Variants in NFIA observed in about 807,000 individuals in gnomAD.
NFIA encodes the protein nuclear factor I A, also known as nuclear factor 1 A-type.
NFIA carries 8 observed loss-of-function variants against 62.8 expected under a neutral mutation model. The observed-to-expected ratio is 0.13, with a 90% CI of 0.07 to 0.23. NFIA has a LOEUF of 0.23. Among genes scored for constraint, NFIA ranks in the 10% least tolerant of loss-of-function variants. NFIA has a pLI of 1.00. For missense variants in NFIA, 410 were observed against 642.1 expected, an observed-to-expected ratio of 0.64 and a Z score of 3.91; for synonymous variants, 235 against 238.1, an observed-to-expected ratio of 0.99 and a Z score of 0.12.
chr1:61,290,766 G>A (rs559875208), intron 3 of NFIA, among the ~76,000 whole-genome samples: 142 of 152,262 alleles, frequency 9.3e-4, no homozygotes, highest in African/African-American at 3.1e-3. Context: ...ACCTTAGCAC[G>A]TGCTCCACCA....
chr1:61,333,092 T>A (rs527519825), intron 4 of NFIA, among the ~76,000 whole-genome samples: 2 of 141,816 alleles, frequency 1.4e-5, no homozygotes, highest in Admixed American at 6.9e-5. Context: ...CACACACACA[T>A]ACACAGTTGC....
chr1:61,089,695 C>CTTTTTTTTTTTT (rs918196815), intron 2 of NFIA, among the ~76,000 whole-genome samples: 25 of 107,774 alleles, frequency 2.3e-4, no homozygotes, highest in African/African-American at 6.0e-4. Flanking sequence ...GTTTTTTTTT[C>CTTTTTTTTTTTT]TTTTTTTTTT....
intron 2 of NFIA, among the ~76,000 whole-genome samples, chr1:61,090,479 TTATTTAAAGAAATG>T (rs1646300991): frequency 6.6e-6 from 1 of 152,216 alleles, no homozygotes; most frequent in South Asian, 2.1e-4. Context: ...CATTTCTCTG[TTATTTAAAGAAATG>T]CAATCTTTTC....
chr1:61,242,771 T>C (rs142604934), intron 2 of NFIA, among the ~76,000 whole-genome samples: 410 of 152,304 alleles, frequency 2.7e-3, no homozygotes, highest in African/African-American at 9.4e-3. Context: ...TTTTATTTAA[T>C]GCTTAAGTAG....
intron 7 of NFIA, among the ~76,000 whole-genome samples, chr1:61,401,446 G>A (rs544517870): frequency 6.6e-6 from 1 of 152,288 alleles, no homozygotes; most frequent in East Asian, 1.9e-4. Flanking sequence ...CAAAATGAGG[G>A]AAAGGATGTT....
intron 3 of NFIA, among the ~76,000 whole-genome samples, chr1:61,326,460 A>G (rs775498809): frequency 4.3e-4 from 66 of 152,192 alleles, no homozygotes; most frequent in Non-Finnish European, 8.8e-4. Flanking sequence ...AGTTCTGCCA[A>G]TGATTTTACC....
intron 1 of NFIA, among the ~76,000 whole-genome samples, chr1:61,084,271 G>C (rs576348304): frequency 1.4e-4 from 21 of 152,276 alleles, no homozygotes; most frequent in African/African-American, 5.1e-4. Flanking sequence ...TTTCCCACAT[G>C]ACATCCCTTC....
At chr1:61,454,326 A>C (rs935654558) in intron 10 of NFIA, among the ~76,000 whole-genome samples, 2 of 152,260 alleles carry the variant, frequency 1.3e-5, no homozygotes, top group East Asian at 3.8e-4. Context: ...ATGTTAGTCC[A>C]TAATTGCTCA....
intron 4 of NFIA, among the ~76,000 whole-genome samples, chr1:61,346,745 A>G (rs1662247465): frequency 6.6e-6 from 1 of 152,192 alleles, no homozygotes; most frequent in Admixed American, 6.5e-5. Flanking sequence ...TTGCTGTGTT[A>G]GTCCGTTCTC....
At chr1:61,242,314 A>G (rs1372557703) in intron 2 of NFIA, among the ~76,000 whole-genome samples, 1 of 152,034 alleles carries the variant, frequency 6.6e-6, no homozygotes, top group Non-Finnish European at 1.5e-5. Flanking sequence ...GGAGCATACT[A>G]CTTCTGCTGG....
intron 2 of NFIA, among the ~76,000 whole-genome samples, chr1:61,117,903 G>T (rs934003540): frequency 6.6e-6 from 1 of 152,144 alleles, no homozygotes; most frequent in African/African-American, 2.4e-5. Flanking sequence ...CGTCTGGCTG[G>T]CCGGGCGTGG....
At chr1:61,445,139 ATAAAT>A (rs1323104367) in intron 10 of NFIA, among the ~76,000 whole-genome samples, 3 of 152,224 alleles carry the variant, frequency 2.0e-5, no homozygotes, top group East Asian at 1.9e-4. Flanking sequence ...AAGGTAAAAA[ATAAAT>A]TAAATTGTCT....
intron 2 of NFIA, among the ~76,000 whole-genome samples, chr1:61,258,753 G>C (rs1478051381): frequency 6.6e-6 from 1 of 151,738 alleles, no homozygotes; most frequent in Non-Finnish European, 1.5e-5. Flanking sequence ...TTTTGAAACA[G>C]GGTCTCACTT....
In NFIA at chr1:61,221,347, T is replaced by A. The variant is rs1654006964; in HGVS notation, c.560-56173T>A. ...AGGGTTTTCATTTATTTCTGTTTCCTGCTTCCAGAAAGATAATTTGCAGCA... is the reference window on the plus strand; with the variant it reads ...AGGGTTTTCATTTATTTCTGTTTCCAGCTTCCAGAAAGATAATTTGCAGCA... On this transcript the variant is annotated intron_variant, in intron 2 of 10. Coordinates refer to ENST00000403491, the MANE Select transcript of NFIA (RefSeq NM_001134673.4). 3.3e-5 allele frequency among the ~76,000 whole-genome samples: 5 copies of A among 152,286 alleles called. No individual in the cohort carries two copies. The South Asian group carries it at 1.0e-3, about 32-fold the overall frequency.
At chr1:61,250,179 G>A (rs150591944) in intron 2 of NFIA, 68 of 152,254 alleles carry the variant, frequency 4.5e-4, no homozygotes, top group African/African-American at 1.5e-3. Context: ...AAGACAAAGC[G>A]TACATTGCTA....
chr1:61,199,201 T>G (rs1372492154), intron 2 of NFIA, among the ~76,000 whole-genome samples: 1 of 152,240 alleles, frequency 6.6e-6, no homozygotes, highest in Non-Finnish European at 1.5e-5. Flanking sequence ...TTAGCTCTTT[T>G]TATGTTTACA....
intron 2 of NFIA, among the ~76,000 whole-genome samples, chr1:61,185,049 G>A (rs368880971): frequency 2.0e-5 from 3 of 152,344 alleles, no homozygotes; most frequent in South Asian, 4.1e-4. Context: ...AGGTTTTAAT[G>A]TCTAAGGATA....
chr1:61,366,244 C>G (rs899328245), intron 6 of NFIA, among the ~76,000 whole-genome samples: 3 of 151,994 alleles, frequency 2.0e-5, no homozygotes, highest in African/African-American at 7.3e-5. Context: ...GATTTGAGAC[C>G]GCATCTGCAT....
intron 2 of NFIA, among the ~76,000 whole-genome samples, chr1:61,161,475 GGT>G (rs1370775584): frequency 6.6e-6 from 1 of 152,142 alleles, no homozygotes; most frequent in Non-Finnish European, 1.5e-5. Context: ...ACAAACAAGA[GGT>G]GTTAGCTGGC....
Sources: allele counts gnomAD v4.1 joint callset (sites outside exome capture counted in the v4.1 genomes callset), GRCh38; gene constraint gnomAD v4.1.1; transcripts MANE v1.5; gene names NCBI Gene and HGNC (gene_info 2026-07-23, HGNC 2026-07-21).